ULK4: variants seen among roughly 807,000 people sequenced by gnomAD.
ULK4 encodes the protein inactive serine/threonine-protein kinase ULK4.
A neutral mutation model predicts 160.6 loss-of-function variants in ULK4; 133 were observed. The observed-to-expected ratio is 0.83, with a 90% CI of 0.72 to 0.96. The LOEUF is 0.96. Ranked by LOEUF, ULK4 falls within the 40% of genes least tolerant of loss-of-function variation. The pLI, the probability that ULK4 is intolerant of heterozygous loss-of-function variation, is 0.00. For synonymous variants in ULK4, 534 were observed against 539.8 expected (o/e 0.99, Z 0.15); for missense variants, 1,580 against 1,499.5 (o/e 1.05, Z -0.89).
At chr3:41,859,726 C>G in intron 17 of ULK4, 1 of 338,344 alleles carries the variant, frequency 3.0e-6, no homozygotes, top group Non-Finnish European at 5.7e-6. Context: ...GGCACAATCT[C>G]AGCTCACTGC....
intron 12 of ULK4, among the ~76,000 whole-genome samples, chr3:41,903,990 T>G (rs1409010054): frequency 1.4e-5 from 1 of 72,276 alleles, no homozygotes; most frequent in African/African-American, 3.3e-5. Flanking sequence ...CAAAAGGCTC[T>G]TAAAAAAAAA....
intron 35 of ULK4, among the ~76,000 whole-genome samples, chr3:41,258,043 C>T (rs1158311352): frequency 9.2e-5 from 14 of 152,040 alleles, no homozygotes; most frequent in Admixed American, 8.5e-4. Context: ...AATGAATGAT[C>T]CTTGGGAGTG....
At chr3:41,646,231 C>T (rs191256824) in intron 30 of ULK4, among the ~76,000 whole-genome samples, 339 of 152,248 alleles carry the variant, frequency 2.2e-3, no homozygotes, top group African/African-American at 7.8e-3. Context: ...TTGATCCTGT[C>T]ATTATGATGT....
chr3:41,630,743 C>T (rs1349158708), intron 30 of ULK4, among the ~76,000 whole-genome samples: 1 of 152,280 alleles, frequency 6.6e-6, no homozygotes, highest in Non-Finnish European at 1.5e-5. Context: ...GCCCCTGGTC[C>T]CAGTTCCCTT....
intron 31 of ULK4, among the ~76,000 whole-genome samples, chr3:41,594,499 C>T (rs558385648): frequency 1.3e-5 from 2 of 152,062 alleles, no homozygotes; most frequent in Non-Finnish European, 1.5e-5. Flanking sequence ...GATCACACCA[C>T]TGAAGTCCAG....
chr3:41,756,941 G>C (rs1415389558), intron 21 of ULK4, among the ~76,000 whole-genome samples: 2 of 152,170 alleles, frequency 1.3e-5, no homozygotes, highest in African/African-American at 2.4e-5. Context: ...TTCAATCTCA[G>C]ACTGGGGAAA....
At chr3:41,394,899 G>A (rs1336006805) in intron 35 of ULK4, among the ~76,000 whole-genome samples, 1 of 151,984 alleles carries the variant, frequency 6.6e-6, no homozygotes, top group East Asian at 1.9e-4. Context: ...AACATTATGG[G>A]CATTCTTGAA....
chr3:41,922,646 A>G (rs555504331), intron 5 of ULK4, among the ~76,000 whole-genome samples: 1 of 151,538 alleles, frequency 6.6e-6, no homozygotes, highest in South Asian at 2.1e-4. Context: ...GTGAGGGGAG[A>G]GATGGGGTGA....
chr3:41,800,397 C>CATGTTA, intron 19 of ULK4, 104 bp from the exon 20 acceptor site: 1 of 1,134,764 alleles, frequency 8.8e-7, no homozygotes, highest in Non-Finnish European at 1.3e-6. Flanking sequence ...CAGTAACATG[C>CATGTTA]CTCTGGATGT....
At chr3:41,536,734 A>C (rs2086513746) in intron 32 of ULK4, among the ~76,000 whole-genome samples, 1 of 152,164 alleles carries the variant, frequency 6.6e-6, no homozygotes, top group African/African-American at 2.4e-5. Context: ...TAGGCTGAGG[A>C]GGAAGAGGAG....
At chr3:41,457,668 T>A (rs576818786) in intron 33 of ULK4, among the ~76,000 whole-genome samples, 42 of 152,240 alleles carry the variant, frequency 2.8e-4, no homozygotes, top group Admixed American at 3.9e-4. Flanking sequence ...AACATCAGAC[T>A]CCCTCATGTC....
At chr3:41,453,990 A>G (rs1212580225) in intron 34 of ULK4, among the ~76,000 whole-genome samples, 1 of 126,006 alleles carries the variant, frequency 7.9e-6, no homozygotes, top group African/African-American at 3.1e-5. Context: ...GAACACTTGG[A>G]TACAGGAAGG....
chr3:41,771,490 A>G (rs1221703318), intron 21 of ULK4, among the ~76,000 whole-genome samples: 1 of 152,230 alleles, frequency 6.6e-6, no homozygotes, highest in Non-Finnish European at 1.5e-5. Context: ...TAATATTATT[A>G]GTAAACATCA....
At chr3:41,454,348 T>G (rs1379158302) in intron 34 of ULK4, among the ~76,000 whole-genome samples, 1 of 150,804 alleles carries the variant, frequency 6.6e-6, no homozygotes, top group East Asian at 2.0e-4. Flanking sequence ...GAGACCGGCC[T>G]GGACAATATG....
At chr3:41,626,078 A>T (rs1373230308) in intron 30 of ULK4, among the ~76,000 whole-genome samples, 1 of 152,160 alleles carries the variant, frequency 6.6e-6, no homozygotes, top group Non-Finnish European at 1.5e-5. Context: ...GACAGATTTC[A>T]TGTGGTTAAA....
Position 41,317,063 on chromosome 3 carries a change from A to ATTTTTTTTTTTTTTTTTTTTTTTTT in ULK4, c.3679-67490_3679-67489insAAAAAAAAAAAAAAAAAAAAAAAAA, listed in dbSNP as rs1164870603. On this transcript the variant is annotated intron_variant, in intron 35 of 36. Transcript: ENST00000301831. ...TGATGTAAAATAGGCAATTACATCT[A>ATTTTTTTTTTTTTTTTTTTTTTTTT]TTTTTTTTTTTTTTTTTTTTTTTGA... Among the ~76,000 whole-genome samples the ATTTTTTTTTTTTTTTTTTTTTTTTT allele has an allele frequency of 4.2e-5, 4 of 94,550 alleles. 1 individual carries two copies. Among genetic ancestry groups the ATTTTTTTTTTTTTTTTTTTTTTTTT allele is most frequent in the African/African-American group, 8.6e-5 (2 of 23,370 alleles). The allele number at this position is 94,550 out of a possible 152,430, so 62.0% of individuals were successfully genotyped here.
chr3:41,479,389 G>A (rs1350892460), intron 32 of ULK4, among the ~76,000 whole-genome samples: 4 of 152,172 alleles, frequency 2.6e-5, no homozygotes, highest in Admixed American at 2.6e-4. Flanking sequence ...TCCCTTCACA[G>A]CCCATATAAA....
At chr3:41,404,552 A>G (rs1380544758) in intron 34 of ULK4, among the ~76,000 whole-genome samples, 1 of 152,202 alleles carries the variant, frequency 6.6e-6, no homozygotes, top group East Asian at 1.9e-4. Context: ...TTCCCCAAAA[A>G]GCATATGTTG....
intron 32 of ULK4, among the ~76,000 whole-genome samples, chr3:41,512,678 T>C (rs927473388): frequency 6.6e-6 from 1 of 152,116 alleles, no homozygotes; most frequent in Non-Finnish European, 1.5e-5. Flanking sequence ...AGAGTCAATA[T>C]TGAGAAAATG....
Sources: gnomAD v4.1 joint callset for allele counts (sites outside exome capture counted in the v4.1 genomes callset) on GRCh38, gnomAD v4.1.1 for gene constraint, MANE v1.5 for transcripts, NCBI Gene and HGNC (gene_info 2026-07-23, HGNC 2026-07-21) for gene names.